The following FIS1 variants were observed in gnomAD, a reference collection of about 807,000 sequenced individuals.
FIS1 encodes the protein fission, mitochondrial 1, also known as mitochondrial fission 1 protein.
A neutral mutation model predicts 21.6 loss-of-function variants in FIS1; 16 were observed. That is an observed-to-expected ratio of 0.74 (90% CI 0.50 to 1.12). FIS1 has a LOEUF of 1.12. Ranked by LOEUF, FIS1 falls within the 50% of genes most tolerant of loss-of-function variation. FIS1 has a pLI of 0.00. For missense variants in FIS1, 198 were observed against 190.9 expected, an observed-to-expected ratio of 1.04 and a Z score of -0.22; for synonymous variants, 92 against 82.2, an observed-to-expected ratio of 1.12 and a Z score of -0.65.
intron 1 of FIS1, 107 bp from the exon 2 acceptor site, chr7:101,244,246 T>C: frequency 2.9e-6 from 4 of 1,382,330 alleles, no homozygotes; most frequent in African/African-American, 1.5e-5. Flanking sequence ...CAGGTCTCGG[T>C]ATCTGGCACC....
chr7:101,240,177 T>C lies in FIS1; in HGVS notation c.326A>G (p.Glu109Gly). Reference protein sequence around the residue: ...QTEPQNNQAKELERLIDKAMK... With the variant: ...QTEPQNNQAKGLERLIDKAMK... Reference sequence around the variant, plus strand: ...GGCCTTGTCAATGAGCCGCTCCAGTTCCTTGGCCTGGTTGTTCTGGGGCTC... The same window carrying C: ...GGCCTTGTCAATGAGCCGCTCCAGTCCCTTGGCCTGGTTGTTCTGGGGCTC... Residue 109 changes from glutamate (E) to glycine (G), a missense_variant, in exon 4 of 5, where the codon GAA (glutamate) becomes GGA (glycine). Glu to Gly is a moderately conservative substitution (Grantham distance 98). Transcript: ENST00000223136. 6.2e-7 allele frequency: 1 copy of C among 1,614,206 alleles called. No homozygotes were observed. Among genetic ancestry groups the C allele is most frequent in the Non-Finnish European group, 8.5e-7 (1 of 1,180,042 alleles).
chr7:101,240,319 G>T, intron 3 of FIS1, 72 bp from the exon 4 acceptor site: 1 of 1,500,908 alleles, frequency 6.7e-7, no homozygotes, highest in Non-Finnish European at 9.3e-7. Context: ...TTTAATAAGA[G>T]ACGGGGTCTT....
In FIS1 at chr7:101,239,722, CG is replaced by C. The variant is rs758682894; in HGVS notation, c.*83del. Reference sequence around the variant, plus strand: ...AGCTGAAGGCCACAGAGGATAGAGACGGGGGGCAGGGGGAGAACAGGGAAAG... The same window carrying C: ...AGCTGAAGGCCACAGAGGATAGAGACGGGGGCAGGGGGAGAACAGGGAAAG... On this transcript the variant is annotated 3_prime_UTR_variant, in exon 5 of 5. Transcript: ENST00000223136. 3 of 1,117,246 alleles carry C rather than the reference CG, an allele frequency of 2.7e-6. No individual in the cohort carries two copies. The highest frequency in any genetic ancestry group is 2.6e-6 in the Non-Finnish European group (2 of 755,202). 69.2% of individuals were successfully genotyped at this position (1,117,246 alleles called of 1,614,324 possible).
chr7:101,240,543 C>T (rs569265635), intron 3 of FIS1, among the ~76,000 whole-genome samples: 2 of 152,344 alleles, frequency 1.3e-5, no homozygotes, highest in East Asian at 3.9e-4. Flanking sequence ...CCTCGACCTC[C>T]ACCCACTCCC....
intron 2 of FIS1, chr7:101,241,145 C>T: frequency 1.9e-6 from 1 of 521,612 alleles, no homozygotes; most frequent in Non-Finnish European, 3.4e-6. Context: ...GTATTACAGT[C>T]AACTGGTCCA....
chr7:101,239,903 T>G lies in FIS1; in HGVS notation c.362A>C (p.Asp121Ala). 1 of 1,601,744 alleles carries G rather than the reference T, an allele frequency of 6.2e-7. No individual in the cohort carries two copies. The highest frequency in any genetic ancestry group is 1.3e-5 in the African/African-American group (1 of 74,762). ...ERLIDKAMKKDGLVGMAIVGG... is the reference protein window; with the variant it reads ...ERLIDKAMKKAGLVGMAIVGG... ...CACGATGGCCATGCCCACGAGTCCA[T>G]CTGGGGAAGGAAAGGGACAGTGTCA... Residue 121 changes from aspartate (D) to alanine (A), a missense_variant and splice_region_variant, in exon 5 of 5, where the codon GAT (aspartate) becomes GCT (alanine). By Grantham distance (126) the Asp-to-Ala change is moderately radical. Transcript: ENST00000223136.
In FIS1 at chr7:101,244,942, G is replaced by T. The variant is rs199988245; in HGVS notation, c.45+18C>A. 1 of 1,613,830 alleles carries T rather than the reference G, an allele frequency of 6.2e-7. No individual in the cohort carries two copies. The highest frequency in any genetic ancestry group is 8.5e-7 in the Non-Finnish European group (1 of 1,179,914). ...GCCCTCCGACCTTCCCTTTCCCTCT[G>T]TCCGGGCCAGGCCTCACCAGCAGGT... On this transcript the variant is annotated intron_variant, in intron 1 of 4. Coordinates refer to ENST00000223136, the MANE Select transcript of FIS1 (RefSeq NM_016068.3).
Position 101,240,166 on chromosome 7 carries a change from G to C in FIS1, c.337C>G (p.Leu113Val). The stretch of plus-strand genomic sequence containing the variant: ...CCTTTCTTCATGGCCTTGTCAATGA[G>C]CCGCTCCAGTTCCTTGGCCTGGTTG... The part of the protein sequence containing the change: ...QNNQAKELER[L>V]IDKAMKKDGL... Residue 113 changes from leucine to valine, a missense_variant, in exon 4 of 5, where the codon CTC becomes GTC. Coordinates refer to ENST00000223136, the MANE Select transcript of FIS1 (RefSeq NM_016068.3). The C allele has an allele frequency of 6.2e-7, 1 of 1,614,196 alleles. No individual in the cohort carries two copies. Among genetic ancestry groups the C allele is most frequent in the African/African-American group, 1.3e-5 (1 of 75,040 alleles).
chr7:101,240,813 CG>C lies in FIS1; in HGVS notation c.255+16del, dbSNP rs1562907653. 1 of 1,612,742 alleles carries C rather than the reference CG, an allele frequency of 6.2e-7. No homozygotes were observed. Among genetic ancestry groups the C allele is most frequent in the East Asian group, 2.2e-5 (1 of 44,868 alleles). ...CAGCCCCAGAGGAGGGTGAAGGGAA[CG>C]GGGTCCCCACCTCACCTTGAGCCGG... On this transcript the variant is annotated intron_variant, in intron 3 of 4. Transcript: ENST00000223136.
In FIS1 at chr7:101,239,604, C is replaced by A; in HGVS notation, c.*202G>T. ...AACCCACCCCTCCCCTCAACGCAGA[C>A]ACGGGGGTTCCCAAGCCACAGCCCC... On this transcript the variant is annotated 3_prime_UTR_variant, in exon 5 of 5. Transcript: ENST00000223136. 3.2e-6 allele frequency: 2 copies of A among 629,760 alleles called. No homozygotes were observed. The allele number at this position is 629,760 out of a possible 1,614,324, so 39.0% of individuals were successfully genotyped here.
chr7:101,240,109 A>ACCAAAGT, intron 4 of FIS1, 33 bp downstream of exon 4: 2 of 1,605,288 alleles, frequency 1.2e-6, no homozygotes, highest in Non-Finnish European at 1.7e-6. Context: ...CGTGGGGAAG[A>ACCAAAGT]GCGGGGCTGA....
At chr7:101,242,637 C>T (rs1003895442) in intron 2 of FIS1, among the ~76,000 whole-genome samples, 7 of 151,998 alleles carry the variant, frequency 4.6e-5, no homozygotes, top group South Asian at 2.1e-4. Flanking sequence ...TAAAGGTGTG[C>T]GCCACCAGGC....
rs976539358 is a variant in FIS1, at chr7:101,239,606, C to A, written c.*200G>T. 1.6e-6 allele frequency: 1 copy of A among 638,452 alleles called. No homozygotes were observed. The highest frequency in any genetic ancestry group is 2.9e-6 in the Non-Finnish European group (1 of 347,688). The allele number at this position is 638,452 out of a possible 1,614,324, so 39.5% of individuals were successfully genotyped here. A position where few individuals can be genotyped will look rare whatever the true frequency, so the allele number is the denominator to read the frequency against. On this transcript the variant is annotated 3_prime_UTR_variant, in exon 5 of 5. Transcript: ENST00000223136. ...CCCACCCCTCCCCTCAACGCAGACA[C>A]GGGGGTTCCCAAGCCACAGCCCCGT...
chr7:101,239,998 C>G (rs1798717416), intron 4 of FIS1, 95 bp from the exon 5 acceptor site: 3 of 1,424,938 alleles, frequency 2.1e-6, no homozygotes, highest in South Asian at 2.5e-5. Context: ...GAGGCACACC[C>G]CTACCTGGAG....
At position 101,244,687 on chromosome 7, in the gene FIS1, C is replaced by G. The variant is rs944904894; in HGVS notation, c.45+273G>C. The G allele has an allele frequency of 2.9e-5, 16 of 552,984 alleles. No homozygotes were observed. The African/African-American group carries it at 3.0e-4, about 10-fold the overall frequency. 34.3% of individuals were successfully genotyped at this position (552,984 alleles called of 1,614,324 possible). A position where few individuals can be genotyped will look rare whatever the true frequency, so the allele number is the denominator to read the frequency against. Reference sequence around the variant, plus strand: ...GGAGGAGCGCCCTGAGCTCACAGCTCCTGCATGATCCCAGATCCCGTCAGT... The same window carrying G: ...GGAGGAGCGCCCTGAGCTCACAGCTGCTGCATGATCCCAGATCCCGTCAGT... On this transcript the variant is annotated intron_variant, in intron 1 of 4. Transcript: ENST00000223136.
intron 2 of FIS1, 109 bp from the exon 3 acceptor site, chr7:101,241,015 G>A (rs868828787): frequency 1.8e-6 from 2 of 1,085,206 alleles, no homozygotes; most frequent in South Asian, 2.7e-5. Flanking sequence ...GATCCTGGGA[G>A]GGTCACAGTC....
rs368575983 is a variant in FIS1 at position 101,240,173 on chromosome 7, C to T, written c.330G>A (p.Leu110=). Residue 110 remains leucine, a synonymous_variant, in exon 4 of 5, where the codon CTG becomes CTA. Transcript: ENST00000223136. ...TEPQNNQAKE[L]ERLIDKAMKK... is the part of the protein sequence containing the mutation. ...TCATGGCCTTGTCAATGAGCCGCTC[C>T]AGTTCCTTGGCCTGGTTGTTCTGGG... 3.9e-5 allele frequency: 63 copies of T among 1,614,102 alleles called. No individual in the cohort carries two copies. In the Middle Eastern group the frequency reaches 8.2e-4, roughly 21 times the overall value.
Position 101,244,140 on chromosome 7 carries a change from C to T in FIS1, c.46-1G>A. On this transcript the variant is annotated splice_acceptor_variant, in intron 1 of 4. Transcript: ENST00000223136. LOFTEE classifies it high-confidence loss of function. ...CAGACTGAAATTTCTTTTCAAACTT[C>T]TGCCACAGGGGAGGAAAGGAATCAT... 6.2e-7 allele frequency: 1 copy of T among 1,613,048 alleles called. No individual in the cohort carries two copies. The highest frequency in any genetic ancestry group is 1.3e-5 in the African/African-American group (1 of 75,048).
chr7:101,241,726 G>T (rs1798753407), intron 2 of FIS1: 1 of 146,562 alleles, frequency 6.8e-6, no homozygotes, highest in Non-Finnish European at 1.5e-5. Context: ...TTGGGAAGCT[G>T]AGCCGGGCGG....
Sources: allele counts gnomAD v4.1 joint callset (sites outside exome capture counted in the v4.1 genomes callset), GRCh38; gene constraint gnomAD v4.1.1; transcripts MANE v1.5; gene names NCBI Gene and HGNC (gene_info 2026-07-23, HGNC 2026-07-21).